CACNA1D: variants seen among roughly 807,000 people sequenced by gnomAD.
CACNA1D encodes the protein calcium voltage-gated channel subunit alpha1 D.
In CACNA1D, 55 loss-of-function variants were observed where a neutral mutation model predicts 257.1. That is an observed-to-expected ratio of 0.21 (90% confidence interval 0.17 to 0.27). The LOEUF (loss-of-function observed/expected upper bound fraction) is 0.27, where lower values mean the gene tolerates loss of function less well. CACNA1D is among the 10% of genes least tolerant of loss of function. The pLI is 1.00. For synonymous variants in CACNA1D, 980 were observed against 1,014.9 expected, an observed-to-expected ratio of 0.97 and a Z score of 0.65; for missense variants, 1,876 against 2,784.0, an observed-to-expected ratio of 0.67 and a Z score of 7.34.
intron 3 of CACNA1D, among the ~76,000 whole-genome samples, chr3:53,572,374 GTTTATTTATTTA>G (rs200926153): frequency 0.1 from 14,655 of 141,578 alleles, 751 homozygotes; most frequent in East Asian, 0.19. Flanking sequence ...TTGTTTGTTT[GTTTATTTATTTA>G]TTTATTTATT....
At chr3:53,559,614 A>G (rs2092702872) in intron 3 of CACNA1D, among the ~76,000 whole-genome samples, 1 of 152,188 alleles carries the variant, frequency 6.6e-6, no homozygotes, top group Non-Finnish European at 1.5e-5. Context: ...GGACCTGGGC[A>G]ATGATATCCT....
chr3:53,762,717 T>C (rs3774567), intron 30 of CACNA1D: 127,552 of 428,008 alleles, frequency 0.3, 21,490 homozygotes, highest in Non-Finnish European at 0.37. Flanking sequence ...TGCCCTTAAA[T>C]CTCCACACAC....
chr3:53,518,741 C>G (rs574203602), intron 3 of CACNA1D, among the ~76,000 whole-genome samples: 1 of 152,292 alleles, frequency 6.6e-6, no homozygotes, highest in South Asian at 2.1e-4. Context: ...TCAAATCTAT[C>G]TTCAAATAAC....
intron 3 of CACNA1D, among the ~76,000 whole-genome samples, chr3:53,524,966 G>T (rs2091708747): frequency 6.6e-6 from 1 of 152,166 alleles, no homozygotes; most frequent in African/African-American, 2.4e-5. Flanking sequence ...GGAGCAGTGG[G>T]GAGAGGCTCG....
intron 8 of CACNA1D, among the ~76,000 whole-genome samples, chr3:53,691,855 A>C (rs1559522899): frequency 9.6e-6 from 1 of 104,268 alleles, no homozygotes; most frequent in African/African-American, 3.6e-5. Context: ...TATAATATAT[A>C]ATATATATTA....
At chr3:53,530,653 T>C (rs2091916915) in intron 3 of CACNA1D, among the ~76,000 whole-genome samples, 1 of 152,074 alleles carries the variant, frequency 6.6e-6, no homozygotes, top group Non-Finnish European at 1.5e-5. Context: ...GGGTGGTGGG[T>C]GGTGTTGCAC....
At chr3:53,778,286 G>A (rs1271753609) in intron 37 of CACNA1D, among the ~76,000 whole-genome samples, 1 of 152,072 alleles carries the variant, frequency 6.6e-6, no homozygotes, top group Non-Finnish European at 1.5e-5. Flanking sequence ...GTCTTCTTGT[G>A]TTTAAATTTC....
In CACNA1D at chr3:53,801,318, C is replaced by T. The variant is rs2095534600; in HGVS notation, c.5301C>T (p.Ala1767=). The change falls in exon 42 of 48, where the codon GCC becomes GCT. Residue 1767 remains alanine (A), a synonymous_variant. Coordinates refer to ENST00000350061, the MANE Select transcript of CACNA1D (RefSeq NM_001128840.3). Reference sequence around the variant, plus strand: ...ATAATGCCAATATGTCCAAAGCTGCCCATGGAAAGCGGCCCAGCATTGGGA... The same window carrying T: ...ATAATGCCAATATGTCCAAAGCTGCTCATGGAAAGCGGCCCAGCATTGGGA... ...NLNNANMSKA[A]HGKRPSIGNL... 12 of 1,614,154 alleles carry T rather than the reference C, an allele frequency of 7.4e-6. No homozygotes were observed. The highest frequency in any genetic ancestry group is 1.1e-5 in the South Asian group (1 of 91,072).
intron 38 of CACNA1D, among the ~76,000 whole-genome samples, chr3:53,780,893 T>C (rs2095422098): frequency 6.6e-6 from 1 of 152,196 alleles, no homozygotes; most frequent in African/African-American, 2.4e-5. Flanking sequence ...AAGGGACTCA[T>C]GCTGAGTGCA....
At chr3:53,568,208 C>T (rs1010709344) in intron 3 of CACNA1D, among the ~76,000 whole-genome samples, 1 of 152,198 alleles carries the variant, frequency 6.6e-6, no homozygotes, top group Non-Finnish European at 1.5e-5. Context: ...TCTTACGGAC[C>T]TGCAGCTGAG....
rs754600809 is a variant in CACNA1D at position 53,639,708 on chromosome 3, C to T, written c.484-11071C>T. On this transcript the variant is annotated intron_variant, in intron 3 of 47. Transcript: ENST00000350061. ...GCTGAGATTTCATTTTTAACTCAGA[C>T]GTCAATCAACGTAGCCATATACAGA... Among the ~76,000 whole-genome samples, 9 of 151,842 alleles carry T rather than the reference C, an allele frequency of 5.9e-5. No homozygotes were observed. In the South Asian group the frequency reaches 6.3e-4, roughly 11 times the overall value.
At chr3:53,804,136 G>A (rs926405636) in intron 44 of CACNA1D, among the ~76,000 whole-genome samples, 2 of 152,166 alleles carry the variant, frequency 1.3e-5, no homozygotes, top group African/African-American at 2.4e-5. Context: ...CGTAGCAGGC[G>A]GCACAGGCGG....
At chr3:53,746,568 CA>C (rs2095171180) in intron 25 of CACNA1D, among the ~76,000 whole-genome samples, 1 of 152,078 alleles carries the variant, frequency 6.6e-6, no homozygotes, top group Non-Finnish European at 1.5e-5. Context: ...TGTGCCTGTA[CA>C]TTGGTTTGGG....
chr3:53,567,709 T>A (rs989405694), intron 3 of CACNA1D, among the ~76,000 whole-genome samples: 24 of 152,346 alleles, frequency 1.6e-4, no homozygotes, highest in African/African-American at 5.5e-4. Flanking sequence ...GATTTCAGAA[T>A]ATTTTCATTA....
At chr3:53,635,282 G>T (rs1428002631) in intron 3 of CACNA1D, among the ~76,000 whole-genome samples, 1 of 152,190 alleles carries the variant, frequency 6.6e-6, no homozygotes, top group Non-Finnish European at 1.5e-5. Context: ...GCAGTCTCGG[G>T]TGGGTACCCA....
intron 5 of CACNA1D, among the ~76,000 whole-genome samples, chr3:53,660,629 C>T (rs1054460237): frequency 6.6e-6 from 1 of 152,052 alleles, no homozygotes; most frequent in Non-Finnish European, 1.5e-5. Flanking sequence ...AGGCCTGCCC[C>T]TCTGAAAGTG....
At chr3:53,570,740 AGTCTAACGCATATCACTCTGCAGTAT>A (rs1479121906) in intron 3 of CACNA1D, among the ~76,000 whole-genome samples, 1 of 152,266 alleles carries the variant, frequency 6.6e-6, no homozygotes, top group East Asian at 1.9e-4. Flanking sequence ...TGCAAGGTAC[AGTCTAACGCATATCACTCTGCAGTAT>A]GTGGTAAGTG....
At chr3:53,759,694 C>G (rs2095289321) in intron 29 of CACNA1D, among the ~76,000 whole-genome samples, 1 of 152,266 alleles carries the variant, frequency 6.6e-6, no homozygotes, top group Admixed American at 6.5e-5. Flanking sequence ...GTCTGTGGCA[C>G]TGCCACCAGT....
In CACNA1D at chr3:53,811,454, G is replaced by A. The variant is rs1427784251; in HGVS notation, c.*48G>A. ...CTCTGGCCTCAGGTGGGGCGCAGGA[G>A]AGCCAGGGGAAAAGTGCCTCATAGT... On this transcript the variant is annotated 3_prime_UTR_variant, in exon 48 of 48. Coordinates refer to ENST00000350061, the MANE Select transcript of CACNA1D (RefSeq NM_001128840.3). The surrounding 1 kb of genome is among the most constrained non-coding windows in gnomAD (Gnocchi z 4.2). 1.4e-6 allele frequency: 2 copies of A among 1,468,652 alleles called. No individual in the cohort carries two copies. The highest frequency in any genetic ancestry group is 2.4e-5 in the Admixed American group (1 of 40,916). The allele number at this position is 1,468,652 out of a possible 1,614,324, so 91.0% of individuals were successfully genotyped here.
Sources: gnomAD v4.1 joint callset for allele counts (sites outside exome capture counted in the v4.1 genomes callset) on GRCh38, gnomAD v4.1.1 for gene constraint, Gnocchi (gnomAD v3.1) non-coding constraint, MANE v1.5 for transcripts, NCBI Gene and HGNC (gene_info 2026-07-23, HGNC 2026-07-21) for gene names.